PRL: variants seen among roughly 807,000 people sequenced by gnomAD.
PRL encodes prolactin.
A neutral mutation model predicts 21.3 loss-of-function variants in PRL; 24 were observed. The ratio of observed to expected loss-of-function variants is 1.13; its 90% CI spans 0.82 to 1.59. The LOEUF (loss-of-function observed/expected upper bound fraction) is 1.59, where lower values mean the gene tolerates loss of function less well. Among genes scored for constraint, PRL ranks in the 40% most tolerant of loss-of-function variants. PRL has a pLI of 0.00. For synonymous variants in PRL, 118 were observed against 115.7 expected (o/e 1.02, Z -0.13); for missense variants, 243 against 286.9 (o/e 0.85, Z 1.10).
chr6:22,297,319 A>G, upstream of PRL: 1 of 314,252 alleles, frequency 3.2e-6, no homozygotes, highest in Non-Finnish European at 5.9e-6. Flanking sequence ...GGATCTATAA[A>G]ACTACAGAAG....
chr6:22,290,173 C>T lies in PRL; in HGVS notation c.492+1G>A. 1.3e-6 allele frequency: 2 copies of T among 1,565,820 alleles called. No individual in the cohort carries two copies. Among genetic ancestry groups the T allele is most frequent in the Non-Finnish European group, 1.7e-6 (2 of 1,146,334 alleles). On this transcript the variant is annotated splice_donor_variant, in intron 4 of 4. Transcript: ENST00000306482. LOFTEE classifies it high-confidence loss of function. ...CAAAGAAGCACCAGGAGGCTGCTCA[C>T]CTGGCTGACTATCAGCTCCATGCCC...
upstream of PRL, chr6:22,297,623 A>G (rs1363247220): frequency 6.6e-6 from 1 of 152,360 alleles, no homozygotes; most frequent in Non-Finnish European, 1.5e-5. Flanking sequence ...TTAAAAATAC[A>G]TGTGTTTTGT....
At chr6:22,292,477 C>A in intron 3 of PRL, 61 bp downstream of exon 3, 1 of 1,471,082 alleles carries the variant, frequency 6.8e-7, no homozygotes, top group South Asian at 1.1e-5. Flanking sequence ...CACCTATCAC[C>A]ATGATAATAC....
intron 2 of PRL, among the ~76,000 whole-genome samples, chr6:22,293,900 C>A (rs1761117561): frequency 1.3e-5 from 2 of 152,208 alleles, no homozygotes; most frequent in Admixed American, 1.3e-4. Context: ...ATACTGAAAT[C>A]TCAGAGAAAT....
chr6:22,292,467 C>A, intron 3 of PRL, 71 bp downstream of exon 3: 1 of 1,373,332 alleles, frequency 7.3e-7, no homozygotes, highest in Non-Finnish European at 1.0e-6. Context: ...GCTATTACAG[C>A]ACCTATCACC....
upstream of PRL, among the ~76,000 whole-genome samples, chr6:22,299,179 A>G (rs188121694): frequency 1.6e-4 from 24 of 152,304 alleles, no homozygotes; most frequent in Admixed American, 1.2e-3. Flanking sequence ...CTGTGCCCTT[A>G]ATTTAAAACA....
upstream of PRL, chr6:22,297,464 A>G (rs1336072606): frequency 6.5e-6 from 1 of 154,594 alleles, no homozygotes; most frequent in Non-Finnish European, 1.4e-5. Context: ...AGATTTTAAA[A>G]TTTTTACACT....
intron 2 of PRL, among the ~76,000 whole-genome samples, chr6:22,293,758 AGGAAGGGGAATGGAAGGGAAGGGAAG>A (rs1348747825): frequency 1.9e-4 from 28 of 145,916 alleles, no homozygotes; most frequent in East Asian, 4.1e-4. Context: ...CAAGGAAGGA[AGGAAGGGGAATGGAAGGGAAGGGAAG>A]AAGGAAGGAA....
chr6:22,287,512 G>T lies in PRL; in HGVS notation c.574C>A (p.Arg192Ser). ...AGCAGGTTATAATAAGCAGAAAGGC[G>T]AGACTCTTCATCAGCCATCTGCAGG... ...PSLQMADEES[R>S]LSAYYNLLHC... is the part of the protein sequence containing the mutation. The change falls in exon 5 of 5, where the codon CGC becomes AGC. Residue 192 changes from arginine (R) to serine (S), a missense_variant. Arg to Ser is a moderately radical substitution (Grantham distance 110, BLOSUM62 -1). Coordinates refer to ENST00000306482, the MANE Select transcript of PRL (RefSeq NM_000948.6). 6.2e-7 allele frequency: 1 copy of T among 1,614,108 alleles called. No homozygotes were observed. Among genetic ancestry groups the T allele is most frequent in the Non-Finnish European group, 8.5e-7 (1 of 1,179,972 alleles).
intron 3 of PRL, chr6:22,290,982 T>A (rs1411643935): frequency 6.6e-6 from 1 of 152,256 alleles, no homozygotes; most frequent in Non-Finnish European, 1.5e-5. Flanking sequence ...TCTCTTGGCC[T>A]ATGCAGGTAA....
intron 3 of PRL, among the ~76,000 whole-genome samples, chr6:22,291,207 G>T (rs999980800): frequency 6.6e-6 from 1 of 152,156 alleles, no homozygotes; most frequent in Non-Finnish European, 1.5e-5. Context: ...ATGGAAACAT[G>T]TAAGAGGATA....
rs928891414 is a variant in PRL, at chr6:22,287,316, G to A, written c.*86C>T. 3.7e-6 allele frequency: 5 copies of A among 1,334,118 alleles called. No individual in the cohort carries two copies. In the African/African-American group the frequency reaches 7.3e-5, roughly 19 times the overall value. The allele number at this position is 1,334,118 out of a possible 1,614,324, so 82.6% of individuals were successfully genotyped here. On this transcript the variant is annotated 3_prime_UTR_variant, in exon 5 of 5. Coordinates refer to ENST00000306482, the MANE Select transcript of PRL (RefSeq NM_000948.6). The stretch of plus-strand genomic sequence containing the variant: ...AGGAGACCTGTTACACCCAAGCATG[G>A]ATTCAAAAGAGATACAACTAAAAGA...
At chr6:22,291,740 C>T (rs749509047) in intron 3 of PRL, among the ~76,000 whole-genome samples, 1 of 152,168 alleles carries the variant, frequency 6.6e-6, no homozygotes, top group South Asian at 2.1e-4. Flanking sequence ...TGGTGCCATT[C>T]CTAAACTTGT....
chr6:22,291,969 A>T (rs566998384), intron 3 of PRL, among the ~76,000 whole-genome samples: 67 of 152,274 alleles, frequency 4.4e-4, no homozygotes, highest in African/African-American at 1.5e-3. Flanking sequence ...GTTTTACAGG[A>T]TCTGTATTTT....
intron 2 of PRL, among the ~76,000 whole-genome samples, chr6:22,293,635 G>GAGGGAAGT (rs1761103938): frequency 2.0e-5 from 1 of 48,786 alleles, no homozygotes; most frequent in Non-Finnish European, 4.2e-5. Context: ...GGGAAGGAAG[G>GAGGGAAGT]AAGGAAGGAA....
intron 3 of PRL, among the ~76,000 whole-genome samples, 199 bp from the exon 4 acceptor site, chr6:22,290,552 A>T (rs1338690822): frequency 6.6e-6 from 1 of 152,224 alleles, no homozygotes; most frequent in Non-Finnish European, 1.5e-5. Flanking sequence ...ATTAAAAAAA[A>T]ATCCGGCTTA....
At chr6:22,293,639 G>GAAGGAAAA (rs1561755438) in intron 2 of PRL, among the ~76,000 whole-genome samples, 2 of 28,580 alleles carry the variant, frequency 7.0e-5, no homozygotes, top group African/African-American at 2.3e-4. Flanking sequence ...AGGAAGGAAG[G>GAAGGAAAA]AAGGAAGGAA....
At chr6:22,294,107 C>A (rs759865885) in intron 2 of PRL, among the ~76,000 whole-genome samples, 7 of 152,300 alleles carry the variant, frequency 4.6e-5, no homozygotes, top group East Asian at 1.9e-4. Context: ...AATCAACACT[C>A]TTCCTTCTCC....
chr6:22,290,466 TG>T, intron 3 of PRL, 113 bp from the exon 4 acceptor site: 2 of 830,466 alleles, frequency 2.4e-6, no homozygotes, highest in Non-Finnish European at 3.3e-6. Flanking sequence ...TATTCCTATG[TG>T]TAGGTACATT....
Sources: allele counts gnomAD v4.1 joint callset (sites outside exome capture counted in the v4.1 genomes callset), GRCh38; gene constraint gnomAD v4.1.1; transcripts MANE v1.5; gene names NCBI Gene and HGNC (gene_info 2026-07-23, HGNC 2026-07-21).